NEDD4: variants seen among roughly 807,000 people sequenced by gnomAD.
The protein encoded by NEDD4 is NEDD4 E3 ubiquitin protein ligase, also known as E3 ubiquitin-protein ligase NEDD4.
Under a neutral mutation model 144.9 loss-of-function variants are expected in NEDD4, and 99 were observed. The ratio of observed to expected loss-of-function variants is 0.68; its 90% confidence interval spans 0.58 to 0.81. The LOEUF is 0.81. NEDD4 is among the 30% of genes least tolerant of loss of function. The pLI, the probability that NEDD4 is intolerant of heterozygous loss-of-function variation, is 0.00. For synonymous variants in NEDD4, 318 were observed against 350.6 expected (o/e 0.91, Z 1.04); for missense variants, 985 against 1,065.9 (o/e 0.92, Z 1.06).
chr15:55,864,779 C>T (rs2034529584), intron 8 of NEDD4, among the ~76,000 whole-genome samples: 1 of 151,130 alleles, frequency 6.6e-6, no homozygotes, highest in Non-Finnish European at 1.5e-5. Context: ...AAAAGAAAAG[C>T]AAGAAGTGAA....
intron 4 of NEDD4, among the ~76,000 whole-genome samples, chr15:55,926,284 G>A (rs1386076907): frequency 6.6e-6 from 1 of 152,118 alleles, no homozygotes; most frequent in Non-Finnish European, 1.5e-5. Context: ...CCTAGTGCCA[G>A]TCACTCCTCA....
At chr15:55,956,034 G>A (rs1026700654) in intron 2 of NEDD4, among the ~76,000 whole-genome samples, 8 of 151,914 alleles carry the variant, frequency 5.3e-5, no homozygotes, top group Middle Eastern at 3.4e-3. Context: ...GGCTGGTCTC[G>A]AACTCCAGGG....
intron 4 of NEDD4, among the ~76,000 whole-genome samples, chr15:55,943,291 T>C (rs1313778260): frequency 6.6e-6 from 1 of 152,218 alleles, no homozygotes; most frequent in African/African-American, 2.4e-5. Flanking sequence ...GAGCTGAATG[T>C]TCATAGCCAA....
intron 7 of NEDD4, 33 bp from the exon 8 acceptor site, chr15:55,869,714 T>G: frequency 2.3e-6 from 3 of 1,331,608 alleles, no homozygotes; most frequent in Non-Finnish European, 3.1e-6. Context: ...TCATAAAACT[T>G]TAACACCGGG....
At chr15:55,966,637 T>G in intron 1 of NEDD4, 91 bp from the exon 2 acceptor site, 1 of 529,394 alleles carries the variant, frequency 1.9e-6, no homozygotes, top group Non-Finnish European at 3.2e-6. Context: ...ATAAAGTAAT[T>G]AGGATATTAA....
chr15:55,910,735 A>G (rs536038215), intron 5 of NEDD4, among the ~76,000 whole-genome samples: 17 of 152,200 alleles, frequency 1.1e-4, no homozygotes, highest in Admixed American at 1.1e-3. Context: ...CATAAACTTC[A>G]TACATGATTT....
chr15:55,905,285 T>C (rs1176376988), intron 5 of NEDD4: 6 of 455,784 alleles, frequency 1.3e-5, no homozygotes, highest in Non-Finnish European at 2.6e-5. Flanking sequence ...ACCATGGCTG[T>C]AAAACATAAC....
intron 4 of NEDD4, among the ~76,000 whole-genome samples, chr15:55,942,604 C>G (rs372945728): frequency 6.6e-6 from 1 of 152,300 alleles, no homozygotes; most frequent in South Asian, 2.1e-4. Flanking sequence ...CCTGAGGCCC[C>G]CTCATCCAGG....
chr15:55,843,602 C>CA (rs1432789421), intron 18 of NEDD4, among the ~76,000 whole-genome samples: 4 of 151,906 alleles, frequency 2.6e-5, no homozygotes, highest in African/African-American at 9.7e-5. Flanking sequence ...CTGTCACCTC[C>CA]AAAAAAGAAG....
At chr15:55,942,506 G>A (rs1333957556) in intron 4 of NEDD4, among the ~76,000 whole-genome samples, 1 of 152,080 alleles carries the variant, frequency 6.6e-6, no homozygotes, top group Non-Finnish European at 1.5e-5. Flanking sequence ...AAAGTGTGTA[G>A]TACTTCCCCC....
chr15:55,843,289 C>T (rs183317936), intron 18 of NEDD4, among the ~76,000 whole-genome samples: 69 of 152,318 alleles, frequency 4.5e-4, no homozygotes, highest in African/African-American at 1.6e-3. Context: ...GGCAGGTTAA[C>T]GTGTTTAACC....
chr15:55,834,557 T>G (rs2033108417), intron 24 of NEDD4, among the ~76,000 whole-genome samples: 1 of 152,128 alleles, frequency 6.6e-6, no homozygotes, highest in Admixed American at 6.5e-5. Flanking sequence ...TTTGGGAGGC[T>G]GGGTGGGCAG....
intron 5 of NEDD4, among the ~76,000 whole-genome samples, chr15:55,886,865 C>T (rs76548200): frequency 2.6e-5 from 4 of 151,120 alleles, no homozygotes; most frequent in East Asian, 3.9e-4. Context: ...ACAAAAACAT[C>T]GAAATTAAAT....
chr15:55,976,426 A>G (rs1405385467), intron 1 of NEDD4, among the ~76,000 whole-genome samples: 1 of 152,222 alleles, frequency 6.6e-6, no homozygotes, highest in Non-Finnish European at 1.5e-5. Context: ...CTGAATAGAT[A>G]TTTCTCAAAA....
At position 55,829,128 on chromosome 15, in the gene NEDD4, A is replaced by C. The variant is rs1430260067; in HGVS notation, c.*769T>G. 6.6e-6 allele frequency: 1 copy of C among 152,580 alleles called. No individual in the cohort carries two copies. The highest frequency in any genetic ancestry group is 2.4e-5 in the African/African-American group (1 of 41,472). The allele number at this position is 152,580 out of a possible 1,614,324, so 9.5% of individuals were successfully genotyped here. On this transcript the variant is annotated 3_prime_UTR_variant, in exon 29 of 29. Transcript: ENST00000435532. ...ATATGAAAAAGTGATGACTATACCA[A>C]TGGTCAATAGGATATGCAGGCAAGA...
intron 11 of NEDD4, among the ~76,000 whole-genome samples, chr15:55,858,781 T>C (rs1201754206): frequency 1.3e-5 from 2 of 152,236 alleles, no homozygotes; most frequent in Non-Finnish European, 2.9e-5. Context: ...TTGAAGAAGA[T>C]GCTAGAGCAG....
chr15:55,834,081 T>TTTTTATAC lies in NEDD4; in HGVS notation c.2379_2386dup (p.Asn796SerfsTer21). On this transcript the variant is annotated frameshift_variant, in exon 26 of 29. Transcript: ENST00000435532. LOFTEE classifies it high-confidence loss of function. ...AACCTGATGATTTGCACTGTAGCCA[T>TTTTTATAC]TTTTATACTTTGTATGTTCCCTCCA... 1.2e-6 allele frequency: 2 copies of TTTTTATAC among 1,613,656 alleles called. No homozygotes were observed. The highest frequency in any genetic ancestry group is 1.7e-6 in the Non-Finnish European group (2 of 1,179,972).
chr15:55,934,371 T>A (rs557075263), intron 4 of NEDD4, among the ~76,000 whole-genome samples: 5 of 152,338 alleles, frequency 3.3e-5, no homozygotes, highest in African/African-American at 1.2e-4. Flanking sequence ...GATGGACATT[T>A]GTGCTGTTTC....
At chr15:55,848,292 G>A in intron 17 of NEDD4, 80 bp downstream of exon 17, 1 of 1,336,896 alleles carries the variant, frequency 7.5e-7, no homozygotes, top group South Asian at 1.2e-5. Context: ...ATGCCTGTAG[G>A]GTTATGCCCG....
Sources: gnomAD v4.1 joint callset for allele counts (sites outside exome capture counted in the v4.1 genomes callset) on GRCh38, gnomAD v4.1.1 for gene constraint, MANE v1.5 for transcripts, NCBI Gene and HGNC (gene_info 2026-07-23, HGNC 2026-07-21) for gene names.